TMED8: variants seen among roughly 807,000 people sequenced by gnomAD.
TMED8 encodes the protein protein TMED8.
A neutral mutation model predicts 32.7 loss-of-function variants in TMED8; 15 were observed. That is an observed-to-expected ratio of 0.46 (90% CI 0.31 to 0.71). The LOEUF is 0.71. Ranked by LOEUF, TMED8 falls within the 30% of genes least tolerant of loss-of-function variation. The pLI is 0.06. For synonymous variants in TMED8, 147 were observed against 161.4 expected (o/e 0.91, Z 0.68); for missense variants, 390 against 423.9 (o/e 0.92, Z 0.70).
At chr14:77,343,123 C>A in intron 5 of TMED8, 55 bp downstream of exon 5, 2 of 1,560,002 alleles carry the variant, frequency 1.3e-6, no homozygotes, top group African/African-American at 1.3e-5. Flanking sequence ...ACAAAATGGT[C>A]ACCAGAAATC....
Position 77,335,949 on chromosome 14 carries a change from GA to G in TMED8, c.*5821del, listed in dbSNP as rs540522195. 7.5e-4 allele frequency: 114 copies of G among 152,292 alleles called. No homozygotes were observed. Among genetic ancestry groups the G allele is most frequent in the African/African-American group, 2.6e-3 (107 of 41,552 alleles). 9.4% of individuals were successfully genotyped at this position (152,292 alleles called of 1,614,324 possible). A position where few individuals can be genotyped will look rare whatever the true frequency, so the allele number is the denominator to read the frequency against. ...GACGGAATTAAGATAATGTTTTCCA[GA>G]TGATTCTTGGCCTGATCCTAAGAAT... On this transcript the variant is annotated 3_prime_UTR_variant, in exon 6 of 6. Coordinates refer to ENST00000216468, the MANE Select transcript of TMED8 (RefSeq NM_213601.3).
chr14:77,365,709 G>A (rs1248161213), intron 1 of TMED8, among the ~76,000 whole-genome samples: 1 of 152,178 alleles, frequency 6.6e-6, no homozygotes, highest in Non-Finnish European at 1.5e-5. Context: ...GTACTGGAGA[G>A]AATATCCAAA....
intron 1 of TMED8, among the ~76,000 whole-genome samples, chr14:77,372,931 TATATATATATATATATA>T (rs1893714100): frequency 3.0e-5 from 1 of 33,584 alleles, no homozygotes; most frequent in Non-Finnish European, 5.4e-5. Flanking sequence ...TATATATATA[TATATATATATATATATA>T]TATATTTTTT....
chr14:77,346,073 C>T (rs74063337), intron 3 of TMED8, among the ~76,000 whole-genome samples: 2,349 of 152,158 alleles, frequency 0.015, 50 homozygotes, highest in African/African-American at 0.054. Context: ...CTTCAGGCTC[C>T]TCAATGAAGA....
chr14:77,370,171 C>CAA (rs5809828), intron 1 of TMED8, among the ~76,000 whole-genome samples: 4 of 138,028 alleles, frequency 2.9e-5, no homozygotes, highest in East Asian at 4.4e-4. Flanking sequence ...GACTCCGTTT[C>CAA]AAAAAAAAAA....
chr14:77,335,779 C>G lies in TMED8; in HGVS notation c.*5992G>C, dbSNP rs1892747762. 6.6e-6 allele frequency: 1 copy of G among 152,198 alleles called. No homozygotes were observed. The highest frequency in any genetic ancestry group is 2.1e-4 in the South Asian group (1 of 4,836). 9.4% of individuals were successfully genotyped at this position (152,198 alleles called of 1,614,324 possible). A position where few individuals can be genotyped will look rare whatever the true frequency, so the allele number is the denominator to read the frequency against. ...GGGTTACAGGATTGCTTTCTCTAGA[C>G]TTGGCTTCTCTTTAACATGGCTAAA... On this transcript the variant is annotated 3_prime_UTR_variant, in exon 6 of 6. Transcript: ENST00000216468.
chr14:77,376,916 A>G lies in TMED8; in HGVS notation c.118+20T>C, dbSNP rs1296197593. Reference sequence around the variant, plus strand: ...TGAGGCCGGGCGGCACCCACCCGCCAGCGCCCCGGCCTTGCGTACCTGAGG... The same window carrying G: ...TGAGGCCGGGCGGCACCCACCCGCCGGCGCCCCGGCCTTGCGTACCTGAGG... On this transcript the variant is annotated intron_variant, in intron 1 of 5. Coordinates refer to ENST00000216468, the MANE Select transcript of TMED8 (RefSeq NM_213601.3). The surrounding 1 kb of genome is among the most constrained non-coding windows in gnomAD (Gnocchi z 4.0). 4 of 1,398,844 alleles carry G rather than the reference A, an allele frequency of 2.9e-6. No homozygotes were observed. The African/African-American group carries it at 6.0e-5, about 21-fold the overall frequency. 86.7% of individuals were successfully genotyped at this position (1,398,844 alleles called of 1,614,324 possible).
At chr14:77,374,436 T>C (rs1893767979) in intron 1 of TMED8, among the ~76,000 whole-genome samples, 1 of 152,216 alleles carries the variant, frequency 6.6e-6, no homozygotes, top group Non-Finnish European at 1.5e-5. Context: ...GCAGGATGTT[T>C]AGCAAACATC....
rs1892859627 is a variant in TMED8, at chr14:77,340,099, T to A, written c.*1672A>T. On this transcript the variant is annotated 3_prime_UTR_variant, in exon 6 of 6. Coordinates refer to ENST00000216468, the MANE Select transcript of TMED8 (RefSeq NM_213601.3). Reference sequence around the variant, plus strand: ...GGTTAGGGAATTCCTCTGCACTCAATCTCCAGCAAATGGGCAGATTCCCTC... The same window carrying A: ...GGTTAGGGAATTCCTCTGCACTCAAACTCCAGCAAATGGGCAGATTCCCTC... 1 of 152,170 alleles carries A rather than the reference T, an allele frequency of 6.6e-6. No homozygotes were observed. The highest frequency in any genetic ancestry group is 2.4e-5 in the African/African-American group (1 of 41,426). The allele number at this position is 152,170 out of a possible 1,614,324, so 9.4% of individuals were successfully genotyped here.
Position 77,337,730 on chromosome 14 carries a change from C to G in TMED8, c.*4041G>C, listed in dbSNP as rs1198863171. The G allele has an allele frequency of 6.6e-6, 1 of 152,084 alleles. No individual in the cohort carries two copies. Among genetic ancestry groups the G allele is most frequent in the African/African-American group, 2.4e-5 (1 of 41,406 alleles). The allele number at this position is 152,084 out of a possible 1,614,324, so 9.4% of individuals were successfully genotyped here. On this transcript the variant is annotated 3_prime_UTR_variant, in exon 6 of 6. Coordinates refer to ENST00000216468, the MANE Select transcript of TMED8 (RefSeq NM_213601.3). ...TTATGAAGACCACCTCCTGGGTAAC[C>G]CATGTTGAATGAAACAGGTCTGCTA...
chr14:77,369,212 G>A (rs1303611303), intron 1 of TMED8, among the ~76,000 whole-genome samples: 1 of 152,144 alleles, frequency 6.6e-6, no homozygotes, highest in Non-Finnish European at 1.5e-5. Flanking sequence ...GTATAAACAT[G>A]TTTCTAAGCT....
intron 1 of TMED8, among the ~76,000 whole-genome samples, chr14:77,354,331 C>T (rs1484639860): frequency 4.6e-5 from 7 of 152,198 alleles, no homozygotes; most frequent in Non-Finnish European, 1.0e-4. Flanking sequence ...AGCCCACTCT[C>T]TCCTATGCTC....
intron 2 of TMED8, among the ~76,000 whole-genome samples, chr14:77,350,286 G>A (rs1245243378): frequency 6.6e-6 from 1 of 152,172 alleles, no homozygotes; most frequent in African/African-American, 2.4e-5. Flanking sequence ...GAAGTATGAT[G>A]TGTAATTGTT....
Position 77,341,674 on chromosome 14 carries a change from C to G in TMED8, c.*97G>C. On this transcript the variant is annotated 3_prime_UTR_variant, in exon 6 of 6. Coordinates refer to ENST00000216468, the MANE Select transcript of TMED8 (RefSeq NM_213601.3). ...ACAGGGTGTGAGGCTCAGCAGCCCC[C>G]CATGAACCTTTGGCTCTTGCCTATC... The G allele has an allele frequency of 8.2e-7, 1 of 1,219,702 alleles. No individual in the cohort carries two copies. Among genetic ancestry groups the G allele is most frequent in the Non-Finnish European group, 1.2e-6 (1 of 839,870 alleles). 75.6% of individuals were successfully genotyped at this position (1,219,702 alleles called of 1,614,324 possible).
chr14:77,355,287 C>T (rs531211869), intron 1 of TMED8, among the ~76,000 whole-genome samples: 4 of 151,566 alleles, frequency 2.6e-5, no homozygotes, highest in South Asian at 2.1e-4. Flanking sequence ...CCTCTGTCTC[C>T]GTGTTCAAGC....
rs2139596432 is a variant in TMED8, at chr14:77,338,608, G to C, written c.*3163C>G. ...TATACCTTACATGTATTGATTTATG[G>C]CTTTGCCTGGACCTTCTGTCTCCCT... On this transcript the variant is annotated 3_prime_UTR_variant, in exon 6 of 6. Coordinates refer to ENST00000216468, the MANE Select transcript of TMED8 (RefSeq NM_213601.3). 6.6e-6 allele frequency: 1 copy of C among 152,274 alleles called. No individual in the cohort carries two copies. Among genetic ancestry groups the C allele is most frequent in the South Asian group, 2.1e-4 (1 of 4,832 alleles). 9.4% of individuals were successfully genotyped at this position (152,274 alleles called of 1,614,324 possible).
intron 1 of TMED8, among the ~76,000 whole-genome samples, chr14:77,360,594 C>T (rs916522642): frequency 1.3e-5 from 2 of 152,088 alleles, no homozygotes; most frequent in Non-Finnish European, 2.9e-5. Flanking sequence ...CTTCTTTATT[C>T]ATTTGTCTGT....
chr14:77,364,945 T>C (rs1004522654), intron 1 of TMED8, among the ~76,000 whole-genome samples: 2 of 152,236 alleles, frequency 1.3e-5, no homozygotes, highest in Non-Finnish European at 1.5e-5. Context: ...CTGTTTTAAT[T>C]TGTCATCCTT....
At position 77,341,236 on chromosome 14, in the gene TMED8, T is replaced by C. The variant is rs1340777351; in HGVS notation, c.*535A>G. ...CAAAGGCAGTGTGGTCTCCCAGCTA[T>C]GCAGAGACCAAGAATAACCAGCAGG... On this transcript the variant is annotated 3_prime_UTR_variant, in exon 6 of 6. Coordinates refer to ENST00000216468, the MANE Select transcript of TMED8 (RefSeq NM_213601.3). 1 of 162,424 alleles carries C rather than the reference T, an allele frequency of 6.2e-6. No individual in the cohort carries two copies. Among genetic ancestry groups the C allele is most frequent in the African/African-American group, 2.4e-5 (1 of 41,520 alleles). 10.1% of individuals were successfully genotyped at this position (162,424 alleles called of 1,614,324 possible).
Sources: allele counts gnomAD v4.1 joint callset (sites outside exome capture counted in the v4.1 genomes callset), GRCh38; gene constraint gnomAD v4.1.1; non-coding constraint Gnocchi (gnomAD v3.1); transcripts MANE v1.5; gene names NCBI Gene and HGNC (gene_info 2026-07-23, HGNC 2026-07-21).